Variants in SYT16 observed in about 807,000 individuals in gnomAD.
SYT16 encodes synaptotagmin-16.
Under a neutral mutation model 61.4 loss-of-function variants are expected in SYT16, and 42 were observed. The ratio of observed to expected loss-of-function variants is 0.68; its 90% CI spans 0.53 to 0.89. The LOEUF is 0.89. Ranked by LOEUF, SYT16 falls within the 40% of genes least tolerant of loss-of-function variation. The probability of loss-of-function intolerance (pLI) is 0.00; values close to 1 mark genes in which losing one functional copy is unlikely to be tolerated. For missense variants in SYT16, 804 were observed against 807.3 expected, an observed-to-expected ratio of 1.00 and a Z score of 0.05; for synonymous variants, 314 against 302.3, an observed-to-expected ratio of 1.04 and a Z score of -0.40.
At chr14:62,017,092 T>G (rs1298666686) in intron 3 of SYT16, among the ~76,000 whole-genome samples, 4 of 152,248 alleles carry the variant, frequency 2.6e-5, no homozygotes, top group African/African-American at 9.6e-5. Flanking sequence ...CATGCTCTTT[T>G]GGGTTGCTCT....
At chr14:61,970,586 T>G (rs1053921952) in intron 2 of SYT16, among the ~76,000 whole-genome samples, 1 of 152,202 alleles carries the variant, frequency 6.6e-6, no homozygotes, top group Non-Finnish European at 1.5e-5. Flanking sequence ...AGTCTCATGA[T>G]GTTAGAACGA....
intron 3 of SYT16, among the ~76,000 whole-genome samples, chr14:62,066,711 T>G (rs1307909226): frequency 6.6e-6 from 1 of 152,216 alleles, no homozygotes; most frequent in African/African-American, 2.4e-5. Flanking sequence ...GAAAAATTAT[T>G]CCCCATTATT....
intron 6 of SYT16, among the ~76,000 whole-genome samples, chr14:62,083,865 A>C (rs537156852): frequency 6.6e-6 from 1 of 152,128 alleles, no homozygotes; most frequent in Non-Finnish European, 1.5e-5. Flanking sequence ...ACAGGGGGGA[A>C]TTTGAGTCTA....
chr14:62,093,235 AT>A (rs758079946), intron 7 of SYT16, among the ~76,000 whole-genome samples: 2 of 152,134 alleles, frequency 1.3e-5, no homozygotes, highest in Non-Finnish European at 2.9e-5. Context: ...TAAAATTTTA[AT>A]CTTTTAAACC....
chr14:61,947,563 A>T (rs1022400980), intron 1 of SYT16, among the ~76,000 whole-genome samples: 1 of 152,136 alleles, frequency 6.6e-6, no homozygotes, highest in South Asian at 2.1e-4. Flanking sequence ...TTATTCAGTG[A>T]CAGTTTACTG....
chr14:61,883,624 T>C (rs2047781761), intron 1 of SYT16, among the ~76,000 whole-genome samples: 1 of 152,206 alleles, frequency 6.6e-6, no homozygotes, highest in Admixed American at 6.5e-5. Flanking sequence ...CCCTCCAAAC[T>C]GTTCCATCCT....
intron 1 of SYT16, among the ~76,000 whole-genome samples, chr14:61,925,710 T>C (rs939367009): frequency 1.3e-5 from 2 of 152,170 alleles, no homozygotes; most frequent in African/African-American, 4.8e-5. Context: ...TCTAACATCT[T>C]ATGATGCAAT....
chr14:62,088,123 G>T (rs1391244095), intron 7 of SYT16, among the ~76,000 whole-genome samples: 2 of 152,040 alleles, frequency 1.3e-5, no homozygotes, highest in African/African-American at 2.4e-5. Context: ...GGCAGTAACC[G>T]GTAAGTCAAA....
At chr14:62,095,836 G>C (rs1372221946) in intron 7 of SYT16, among the ~76,000 whole-genome samples, 1 of 151,886 alleles carries the variant, frequency 6.6e-6, no homozygotes, top group Non-Finnish European at 1.5e-5. Flanking sequence ...CCAAGCAAGA[G>C]AGTAGAATAA....
At chr14:62,030,966 A>T (rs1306457379) in intron 3 of SYT16, among the ~76,000 whole-genome samples, 1 of 152,222 alleles carries the variant, frequency 6.6e-6, no homozygotes, top group Non-Finnish European at 1.5e-5. Flanking sequence ...CTGCTAACTT[A>T]GCTGCCTCAG....
intron 1 of SYT16, among the ~76,000 whole-genome samples, chr14:61,824,773 G>T (rs1400596771): frequency 6.6e-6 from 1 of 152,112 alleles, no homozygotes; most frequent in South Asian, 2.1e-4. Flanking sequence ...AGGTAATGGT[G>T]GTCCCTAAGA....
intron 1 of SYT16, among the ~76,000 whole-genome samples, chr14:61,964,332 C>T (rs1463488335): frequency 6.6e-6 from 1 of 152,180 alleles, no homozygotes; most frequent in South Asian, 2.1e-4. Flanking sequence ...TCAATATTAA[C>T]AAGAGTTTGG....
chr14:62,056,435 T>C (rs1292852480), intron 3 of SYT16, among the ~76,000 whole-genome samples: 1 of 152,180 alleles, frequency 6.6e-6, no homozygotes, highest in African/African-American at 2.4e-5. Flanking sequence ...TTGTTGGTTA[T>C]AAAAGACAGC....
chr14:61,978,823 G>A (rs1412105773), intron 2 of SYT16, among the ~76,000 whole-genome samples: 3 of 152,136 alleles, frequency 2.0e-5, no homozygotes, highest in Non-Finnish European at 4.4e-5. Context: ...CCTTCATGAT[G>A]CTTTTCCTCC....
chr14:61,891,485 C>G (rs2048129267), intron 1 of SYT16, among the ~76,000 whole-genome samples: 1 of 152,164 alleles, frequency 6.6e-6, no homozygotes, highest in African/African-American at 2.4e-5. Context: ...AAGCTGGTGG[C>G]CTGTGGGATC....
At chr14:62,064,354 A>AAG (rs1241769106) in intron 3 of SYT16, among the ~76,000 whole-genome samples, 5 of 150,662 alleles carry the variant, frequency 3.3e-5, no homozygotes, top group African/African-American at 1.2e-4. Flanking sequence ...AAAAAAAAAA[A>AAG]AAAAGAAAAC....
intron 3 of SYT16, among the ~76,000 whole-genome samples, chr14:62,058,340 CTTTTTT>C (rs796187620): frequency 2.8e-5 from 3 of 109,022 alleles, no homozygotes; most frequent in Non-Finnish European, 3.7e-5. Context: ...TGTTTAAATT[CTTTTTT>C]TTTTTTTTTT....
intron 1 of SYT16, among the ~76,000 whole-genome samples, chr14:61,923,024 G>A (rs2049395710): frequency 6.7e-6 from 1 of 149,614 alleles, no homozygotes; most frequent in South Asian, 2.1e-4. Flanking sequence ...ACTCCAGCCT[G>A]GTCAACAGGG....
intron 1 of SYT16, among the ~76,000 whole-genome samples, chr14:61,959,498 C>G (rs2610534): frequency 0.14 from 21,474 of 152,044 alleles, 2,620 homozygotes; most frequent in African/African-American, 0.33. Context: ...TAACTTCAAT[C>G]ACATACACAA....
Sources: gnomAD v4.1 joint callset for allele counts (sites outside exome capture counted in the v4.1 genomes callset) on GRCh38, gnomAD v4.1.1 for gene constraint, MANE v1.5 for transcripts, NCBI Gene and HGNC (gene_info 2026-07-23, HGNC 2026-07-21) for gene names.